The following WDR47 variants were observed in gnomAD, a reference collection of about 807,000 sequenced individuals.
The protein encoded by WDR47 is WD repeat domain 47, also known as WD repeat-containing protein 47.
Under a neutral mutation model 97.2 loss-of-function variants are expected in WDR47, and 32 were observed. The ratio of observed to expected loss-of-function variants is 0.33; its 90% CI spans 0.25 to 0.44. The LOEUF (loss-of-function observed/expected upper bound fraction) is 0.44, where lower values mean the gene tolerates loss of function less well. Ranked by LOEUF, WDR47 falls within the 20% of genes least tolerant of loss-of-function variation. WDR47 has a pLI of 1.00. For missense variants in WDR47, 782 were observed against 1,102.3 expected, an observed-to-expected ratio of 0.71 and a Z score of 4.11; for synonymous variants, 375 against 373.5, an observed-to-expected ratio of 1.00 and a Z score of -0.05.
rs537396112 is a variant in WDR47 at position 108,995,640 on chromosome 1, CGAG to C, written c.1628_1630del (p.Pro543del). The C allele has an allele frequency of 0.01, 16,158 of 1,614,064 alleles. 90 individuals are homozygous for C. The highest frequency in any genetic ancestry group is 0.012 in the Non-Finnish European group (14,010 of 1,180,000). On this transcript the variant is annotated inframe_deletion, in exon 8 of 15. Transcript: ENST00000369962. The stretch of plus-strand genomic sequence containing the variant: ...TATGTGATTTGTTGATCCAGGATTA[CGAG>C]GAGTGCTTGTATGAATATTTGAAGC...
rs1661017745 is a variant in WDR47 at position 109,011,243 on chromosome 1, T to C, written c.803A>G (p.His268Arg). The C allele has an allele frequency of 2.5e-6, 4 of 1,614,162 alleles. No homozygotes were observed. The highest frequency in any genetic ancestry group is 3.4e-6 in the Non-Finnish European group (4 of 1,180,042). ...CAFEQKMLNIHVDKLLKPTKA... is the reference protein window; with the variant it reads ...CAFEQKMLNIRVDKLLKPTKA... ...TGTAGGTTTCAGAAGTTTGTCAACATGAATATTAAGCATTTTCTGTTCAAA... is the reference window on the plus strand; with the variant it reads ...TGTAGGTTTCAGAAGTTTGTCAACACGAATATTAAGCATTTTCTGTTCAAA... The change falls in exon 5 of 15, where the codon CAT becomes CGT. Residue 268 changes from histidine to arginine, a missense_variant. Physicochemically the swap from His to Arg is conservative, Grantham distance 29. Coordinates refer to ENST00000369962, the MANE Select transcript of WDR47 (RefSeq NM_001142551.2).
At chr1:109,019,276 C>T (rs190291755) in intron 2 of WDR47, among the ~76,000 whole-genome samples, 1 of 150,634 alleles carries the variant, frequency 6.6e-6, no homozygotes, top group African/African-American at 2.4e-5. Flanking sequence ...CCAGCTTACT[C>T]GGGAAGCTGA....
At chr1:109,013,793 G>T in intron 4 of WDR47, 48 bp downstream of exon 4, 3 of 1,583,218 alleles carry the variant, frequency 1.9e-6, no homozygotes, top group South Asian at 2.3e-5. Flanking sequence ...AAATACTTAT[G>T]ACTGAAAACA....
chr1:109,002,464 A>G (rs1163069678), intron 6 of WDR47, 62 bp from the exon 7 acceptor site: 12 of 1,253,064 alleles, frequency 9.6e-6, no homozygotes, highest in South Asian at 1.7e-5. Context: ...ATATCTTAAC[A>G]GTACCTTTTA....
chr1:109,002,154 T>C, intron 7 of WDR47, 70 bp downstream of exon 7: 1 of 1,426,996 alleles, frequency 7.0e-7, no homozygotes, highest in African/African-American at 1.4e-5. Flanking sequence ...ACATAGAAAG[T>C]AGCAGTTATT....
chr1:109,007,071 GTGACTAC>G (rs996278829), intron 5 of WDR47, among the ~76,000 whole-genome samples: 13 of 151,852 alleles, frequency 8.6e-5, no homozygotes, highest in Non-Finnish European at 1.6e-4. Flanking sequence ...CCAAGTAGCT[GTGACTAC>G]AGGCACACGC....
At chr1:109,007,899 C>T (rs1400470215) in intron 5 of WDR47, among the ~76,000 whole-genome samples, 1 of 151,968 alleles carries the variant, frequency 6.6e-6, no homozygotes, top group Non-Finnish European at 1.5e-5. Flanking sequence ...GTCAGGAGTT[C>T]GAGACCAGCC....
chr1:109,000,802 C>A (rs1336503649), intron 7 of WDR47, among the ~76,000 whole-genome samples: 5 of 152,124 alleles, frequency 3.3e-5, no homozygotes, highest in Non-Finnish European at 5.9e-5. Flanking sequence ...AAGCAGATTA[C>A]TTCCAATATT....
chr1:109,041,357 G>A (rs965917267), intron 1 of WDR47, among the ~76,000 whole-genome samples: 5 of 152,082 alleles, frequency 3.3e-5, no homozygotes, highest in Admixed American at 6.5e-5. Flanking sequence ...TGTGAGAAAG[G>A]CCAAAACCGG....
chr1:108,971,427 G>A lies in WDR47; in HGVS notation c.*3C>T. ...TGCTGCATAGACTGACATGCGGTGT[G>A]CTCTACCCATTGTAAGTCCAGAGGG... On this transcript the variant is annotated 3_prime_UTR_variant, in exon 15 of 15. Transcript: ENST00000369962. 1.2e-6 allele frequency: 2 copies of A among 1,614,128 alleles called. No individual in the cohort carries two copies. The highest frequency in any genetic ancestry group is 1.7e-6 in the Non-Finnish European group (2 of 1,179,998).
intron 6 of WDR47, among the ~76,000 whole-genome samples, chr1:109,003,312 AT>A (rs911011635): frequency 1.3e-5 from 2 of 152,144 alleles, no homozygotes; most frequent in African/African-American, 4.8e-5. Context: ...TTTGCATCAT[AT>A]TTTAAAGCTC....
chr1:109,027,585 G>C (rs1412668457), intron 1 of WDR47, among the ~76,000 whole-genome samples: 1 of 151,492 alleles, frequency 6.6e-6, no homozygotes, highest in Non-Finnish European at 1.5e-5. Flanking sequence ...GTGCAGTGGT[G>C]CAATCTCGGT....
chr1:108,978,338 G>C (rs1360649344), intron 13 of WDR47, among the ~76,000 whole-genome samples: 1 of 151,986 alleles, frequency 6.6e-6, no homozygotes, highest in African/African-American at 2.4e-5. Flanking sequence ...AATTAGCTGG[G>C]CATGGTAGCA....
At chr1:108,974,775 G>A (rs773279902) in intron 13 of WDR47, 21 bp from the exon 14 acceptor site, 3 of 1,571,364 alleles carry the variant, frequency 1.9e-6, no homozygotes, top group South Asian at 2.3e-5. Context: ...AGGAATGAAA[G>A]TTTAAATACA....
intron 1 of WDR47, among the ~76,000 whole-genome samples, chr1:109,034,094 G>C (rs1226800891): frequency 6.6e-6 from 1 of 152,020 alleles, no homozygotes; most frequent in African/African-American, 2.4e-5. Flanking sequence ...TTTGAGATCA[G>C]CCTGACCAAC....
intron 7 of WDR47, among the ~76,000 whole-genome samples, chr1:109,000,043 A>G (rs978760957): frequency 6.6e-6 from 1 of 152,156 alleles, no homozygotes; most frequent in African/African-American, 2.4e-5. Flanking sequence ...TGAGACCACC[A>G]GTTTAAACAA....
intron 1 of WDR47, among the ~76,000 whole-genome samples, chr1:109,025,593 G>C (rs1662156668): frequency 6.6e-6 from 1 of 151,906 alleles, no homozygotes; most frequent in Non-Finnish European, 1.5e-5. Flanking sequence ...AATTAGCGGA[G>C]CGTGGTGGCA....
chr1:109,032,582 AT>A (rs1662677986), intron 1 of WDR47, among the ~76,000 whole-genome samples: 2 of 151,998 alleles, frequency 1.3e-5, no homozygotes, highest in African/African-American at 4.8e-5. Context: ...AAGAAAAAAA[AT>A]TGTCAACTTT....
At chr1:109,029,875 CAA>C (rs1423020814) in intron 1 of WDR47, among the ~76,000 whole-genome samples, 8 of 96,062 alleles carry the variant, frequency 8.3e-5, no homozygotes, top group Admixed American at 2.3e-4. Context: ...GACTTCGTCT[CAA>C]AAAAAAAAAA....
Sources: gnomAD v4.1 joint callset for allele counts (sites outside exome capture counted in the v4.1 genomes callset) on GRCh38, gnomAD v4.1.1 for gene constraint, MANE v1.5 for transcripts, NCBI Gene and HGNC (gene_info 2026-07-23, HGNC 2026-07-21) for gene names.